Variants in RBFOX2 observed in about 807,000 individuals in gnomAD.
The protein encoded by RBFOX2 is RNA binding protein fox-1 homolog 2.
In RBFOX2, 10 loss-of-function variants were observed where a neutral mutation model predicts 49.1. The observed-to-expected ratio is 0.20, with a 90% CI of 0.13 to 0.35. RBFOX2 has a LOEUF of 0.35. Ranked by LOEUF, RBFOX2 falls within the 10% of genes least tolerant of loss-of-function variation. RBFOX2 has a pLI of 1.00. For synonymous variants in RBFOX2, 183 were observed against 187.4 expected (o/e 0.98, Z 0.19); for missense variants, 323 against 486.9 (o/e 0.66, Z 3.17).
In RBFOX2 at chr22:35,853,305, A is replaced by G. The variant is rs369544583; in HGVS notation, c.-33-43301T>C. Among the ~76,000 whole-genome samples, 218 of 151,860 alleles carry G rather than the reference A, an allele frequency of 1.4e-3. 1 individual carries two copies. In the East Asian group the frequency reaches 0.018, roughly 13 times the overall value. On this transcript the variant is annotated intron_variant, in intron 1 of 13. Coordinates refer to the RBFOX2 transcript ENST00000359369. ...TGAGCCTCTGTCTAAAAAAAAAAAA[A>G]AAAGAAAGAAAGAAAAATATTATGT...
intron 1 of RBFOX2, among the ~76,000 whole-genome samples, chr22:35,819,016 C>T (rs957366505): frequency 2.6e-5 from 4 of 152,182 alleles, no homozygotes; most frequent in Admixed American, 6.5e-5. Flanking sequence ...ATTTTGTCTA[C>T]AACCATGGTT....
At chr22:35,853,217 C>G (rs985341443) in intron 1 of RBFOX2, among the ~76,000 whole-genome samples, 6 of 151,206 alleles carry the variant, frequency 4.0e-5, no homozygotes, top group Admixed American at 6.6e-5. Context: ...TCATCTAAAC[C>G]TGGGAGGCTG....
At chr22:35,763,179 CTAAACCTGAATATTAA>C in intron 6 of RBFOX2, among the ~76,000 whole-genome samples, 1 of 152,200 alleles carries the variant, frequency 6.6e-6, no homozygotes, top group African/African-American at 2.4e-5. Context: ...TTCTTGCCTA[CTAAACCTGAATATTAA>C]TTTAGAATAA....
intron 1 of RBFOX2, among the ~76,000 whole-genome samples, chr22:36,021,804 C>G (rs942133319): frequency 6.6e-6 from 1 of 152,218 alleles, no homozygotes; most frequent in Non-Finnish European, 1.5e-5. Flanking sequence ...TTGCTACTTT[C>G]CTAACTAGAT....
chr22:35,789,037 C>T (rs1040254009), intron 2 of RBFOX2, among the ~76,000 whole-genome samples: 2 of 151,994 alleles, frequency 1.3e-5, no homozygotes, highest in African/African-American at 2.4e-5. Flanking sequence ...GAAACCTTTG[C>T]GGCCAAATGC....
intron 9 of RBFOX2, among the ~76,000 whole-genome samples, chr22:35,757,041 T>C (rs79009993): frequency 0.019 from 2,958 of 152,170 alleles, 105 homozygotes; most frequent in African/African-American, 0.067. Flanking sequence ...GGTTCTTTTT[T>C]GACTATAAGA....
At chr22:35,743,949 C>G (rs1215074153) in exon 12 of RBFOX2, 2 of 355,724 alleles carry the variant, frequency 5.6e-6, no homozygotes, top group Non-Finnish European at 9.7e-6. Flanking sequence ...TTTTTTACCA[C>G]AGTTTAAAAA....
intron 1 of RBFOX2, among the ~76,000 whole-genome samples, chr22:35,913,884 A>G (rs2050113462): frequency 6.6e-6 from 1 of 152,074 alleles, no homozygotes; most frequent in South Asian, 2.1e-4. Context: ...AGCTGGCTAT[A>G]AAGGACGGGA....
intron 1 of RBFOX2, among the ~76,000 whole-genome samples, chr22:35,855,720 T>C (rs1033280943): frequency 6.6e-6 from 1 of 152,074 alleles, no homozygotes; most frequent in Non-Finnish European, 1.5e-5. Flanking sequence ...CAATTCATTT[T>C]TCAACATAAG....
chr22:35,901,424 G>A (rs1207446681), intron 1 of RBFOX2, among the ~76,000 whole-genome samples: 1 of 151,994 alleles, frequency 6.6e-6, no homozygotes, highest in African/African-American at 2.4e-5. Context: ...GAGGCAGGAG[G>A]GTTTGCTTGA....
At chr22:35,944,716 G>T (rs1238563608) in intron 1 of RBFOX2, among the ~76,000 whole-genome samples, 1 of 152,126 alleles carries the variant, frequency 6.6e-6, no homozygotes, top group Admixed American at 6.6e-5. Flanking sequence ...TATCATTGCT[G>T]AGAGTTGGCT....
chr22:35,771,823 A>G (rs1010452074), intron 4 of RBFOX2, among the ~76,000 whole-genome samples: 2 of 152,200 alleles, frequency 1.3e-5, no homozygotes, highest in Admixed American at 1.3e-4. Flanking sequence ...AAGGTGCCAG[A>G]AACAGTGCTA....
At chr22:35,746,367 T>C (rs1393122401) in intron 10 of RBFOX2, 106 bp downstream of exon 12, 7 of 1,053,538 alleles carry the variant, frequency 6.6e-6, no homozygotes, top group South Asian at 3.2e-5. Context: ...AGATGCCCGA[T>C]GTGCTAAGAG....
At chr22:35,833,026 G>A (rs1768201685) in intron 1 of RBFOX2, among the ~76,000 whole-genome samples, 1 of 152,000 alleles carries the variant, frequency 6.6e-6, no homozygotes, top group African/African-American at 2.4e-5. Context: ...CACATTATAC[G>A]CATGTATCAA....
Position 35,768,149 on chromosome 22 carries a change from G to A in RBFOX2, c.546+108C>T, listed in dbSNP as rs1377989253. On this transcript the variant is annotated intron_variant, in intron 5 of 11. Coordinates refer to ENST00000405409, the Ensembl canonical transcript of RBFOX2. ...GACAGAGATACAAACACACATACAT[G>A]TGCACACGCACACATAAGACAGGGT... 7.7e-6 allele frequency: 9 copies of A among 1,172,604 alleles called. No homozygotes were observed. In the East Asian group the frequency reaches 1.4e-4, roughly 18 times the overall value. 72.6% of individuals were successfully genotyped at this position (1,172,604 alleles called of 1,614,324 possible). A position where few individuals can be genotyped will look rare whatever the true frequency, so the allele number is the denominator to read the frequency against.
chr22:35,826,184 T>G (rs919825163), intron 1 of RBFOX2, among the ~76,000 whole-genome samples: 17 of 149,162 alleles, frequency 1.1e-4, no homozygotes, highest in Admixed American at 4.0e-4. Context: ...CTAGTAAAAA[T>G]AGAAAAAATT....
chr22:35,784,459 C>T (rs1945930701), intron 2 of RBFOX2, among the ~76,000 whole-genome samples: 1 of 152,222 alleles, frequency 6.6e-6, no homozygotes, highest in Non-Finnish European at 1.5e-5. Context: ...GACATAGCCT[C>T]TGGTATTGGG....
Position 35,937,151 on chromosome 22 carries a change from C to A in RBFOX2, c.-34+1696G>T, listed in dbSNP as rs151326376. Among the ~76,000 whole-genome samples the A allele has an allele frequency of 9.4e-3, 1,425 of 152,224 alleles. 22 individuals carry two copies. Among genetic ancestry groups the A allele is most frequent in the African/African-American group, 0.033 (1,368 of 41,538 alleles). On this transcript the variant is annotated intron_variant, in intron 1 of 13. Transcript: ENST00000359369. ...ATTTTTAAACATTTGAATGGGTAAGCCCAATCTTACACTTACCCAATCAGA... is the reference window on the plus strand; with the variant it reads ...ATTTTTAAACATTTGAATGGGTAAGACCAATCTTACACTTACCCAATCAGA...
intron 1 of RBFOX2, among the ~76,000 whole-genome samples, chr22:35,810,387 T>C (rs1219945284): frequency 6.6e-6 from 1 of 151,876 alleles, no homozygotes; most frequent in Non-Finnish European, 1.5e-5. Context: ...ACTCTGTCCC[T>C]AAAAAATACG....
Sources: allele counts gnomAD v4.1 joint callset (sites outside exome capture counted in the v4.1 genomes callset), GRCh38; gene constraint gnomAD v4.1.1; transcripts MANE v1.5; gene names NCBI Gene and HGNC (gene_info 2026-07-23, HGNC 2026-07-21).